Variants in RAI1 observed in about 807,000 individuals in gnomAD.
The protein encoded by RAI1 is retinoic acid-induced protein 1.
Under a neutral mutation model 123.8 loss-of-function variants are expected in RAI1, and 9 were observed. That is an observed-to-expected ratio of 0.07 (90% CI 0.04 to 0.13). The LOEUF (loss-of-function observed/expected upper bound fraction) is 0.13. RAI1 is among the 10% of genes least tolerant of loss of function. The pLI, the probability that RAI1 is intolerant of heterozygous loss-of-function variation, is 1.00. For synonymous variants in RAI1, 1,231 were observed against 1,127.3 expected (o/e 1.09, Z -1.84); for missense variants, 2,256 against 2,545.8 (o/e 0.89, Z 2.45).
At position 17,796,394 on chromosome 17, in the gene RAI1, G is replaced by C; in HGVS notation, c.3446G>C (p.Arg1149Pro). 2 of 1,613,656 alleles carry C rather than the reference G, an allele frequency of 1.2e-6. No individual in the cohort carries two copies. Among genetic ancestry groups the C allele is most frequent in the Non-Finnish European group, 1.7e-6 (2 of 1,180,010 alleles). ...CAGCGCTCCATGATCCTTCGGTCAC[G>C]CACCAAAACCCAGGAGATCTTCCAC... ...KDQRSMILRS[R>P]TKTQEIFHSK... Residue 1149 changes from arginine to proline, a missense_variant, in exon 3 of 6, where the codon CGC becomes CCC. Physicochemically the swap from Arg to Pro is moderately radical, Grantham distance 103. Coordinates refer to ENST00000353383, the MANE Select transcript of RAI1 (RefSeq NM_030665.4). This position sits in a 1 kb window ranked among gnomAD's most constrained non-coding sequence, Gnocchi z 5.8.
At chr17:17,775,597 A>G (rs1265819592) in intron 2 of RAI1, among the ~76,000 whole-genome samples, 1 of 152,188 alleles carries the variant, frequency 6.6e-6, no homozygotes, top group Non-Finnish European at 1.5e-5. Context: ...TAAACTAAAG[A>G]AAAGAAAATG....
At chr17:17,740,293 T>G (rs1170043560) in intron 2 of RAI1, among the ~76,000 whole-genome samples, 1 of 152,162 alleles carries the variant, frequency 6.6e-6, no homozygotes, top group Admixed American at 6.5e-5. Flanking sequence ...CAGGGGTCCC[T>G]AGCTCCTCCT....
rs146400378 is a variant in RAI1 at position 17,751,736 on chromosome 17, TAG to T, written c.-17+27580_-17+27581del. Among the ~76,000 whole-genome samples the T allele has an allele frequency of 5.1e-3, 781 of 152,280 alleles. 2 individuals are homozygous for T. The highest frequency in any genetic ancestry group is 0.017 in the Middle Eastern group (5 of 294). On this transcript the variant is annotated intron_variant, in intron 2 of 5. Transcript: ENST00000353383. Reference sequence around the variant, plus strand: ...CACAGGGCCGATTCCTCCTTCTCCTTAGAGTCTTCTCTCAAATTACCTCTCTT... The same window carrying T: ...CACAGGGCCGATTCCTCCTTCTCCTTAGTCTTCTCTCAAATTACCTCTCTT...
chr17:17,754,864 C>CT (rs759869652), intron 2 of RAI1, among the ~76,000 whole-genome samples: 65 of 152,210 alleles, frequency 4.3e-4, no homozygotes, highest in Non-Finnish European at 8.5e-4. Context: ...TTGGTAAGCA[C>CT]TTTCCCAGTC....
At chr17:17,803,221 C>T (rs2143005062) in intron 3 of RAI1, among the ~76,000 whole-genome samples, 1 of 152,180 alleles carries the variant, frequency 6.6e-6, no homozygotes, top group East Asian at 1.9e-4. Context: ...CCAAGGGGGT[C>T]TCCCTACCCA....
intron 1 of RAI1, among the ~76,000 whole-genome samples, chr17:17,702,742 G>C (rs1915266470): frequency 6.6e-6 from 1 of 152,120 alleles, no homozygotes; most frequent in African/African-American, 2.4e-5. Flanking sequence ...TGAAACTCTT[G>C]GTATCCAGTA....
chr17:17,723,302 CTG>C (rs781159876), intron 1 of RAI1, among the ~76,000 whole-genome samples: 2 of 150,976 alleles, frequency 1.3e-5, no homozygotes, highest in Non-Finnish European at 2.9e-5. Context: ...TTCAGTCAAA[CTG>C]AGACCCAGAA....
intron 1 of RAI1, among the ~76,000 whole-genome samples, chr17:17,703,779 T>A (rs577523888): frequency 6.6e-6 from 1 of 152,314 alleles, no homozygotes; most frequent in East Asian, 1.9e-4. Context: ...GTGCTAAGAT[T>A]ACAGGCATGA....
intron 4 of RAI1, among the ~76,000 whole-genome samples, chr17:17,804,694 C>T (rs1238500505): frequency 6.6e-6 from 1 of 152,136 alleles, no homozygotes; most frequent in African/African-American, 2.4e-5. Flanking sequence ...GAGTTTTGCT[C>T]TGTCACCCAA....
chr17:17,797,897 C>G lies in RAI1; in HGVS notation c.4949C>G (p.Ala1650Gly). 1 of 1,614,000 alleles carries G rather than the reference C, an allele frequency of 6.2e-7. No homozygotes were observed. ...FSLDAAGASL[A>G]TLPGGSILQP... ...TTGGATGCAGCCGGGGCCTCCCTGGCCACACTCCCTGGAGGCTCCATCCTG... is the reference window on the plus strand; with the variant it reads ...TTGGATGCAGCCGGGGCCTCCCTGGGCACACTCCCTGGAGGCTCCATCCTG... Residue 1650 changes from alanine (A) to glycine (G), a missense_variant, in exon 3 of 6, where the codon GCC becomes GGC. Around this residue, in one of 7 missense-constraint regions of RAI1, gnomAD observed 410 missense variants for 374.6 expected, o/e 1.09. Transcript: ENST00000353383.
chr17:17,683,060 A>G (rs1914498251), intron 1 of RAI1, among the ~76,000 whole-genome samples: 1 of 151,730 alleles, frequency 6.6e-6, no homozygotes, highest in Non-Finnish European at 1.5e-5. Flanking sequence ...TCCTCCCACC[A>G]ATACTGTCCC....
In RAI1 at chr17:17,795,101, C is replaced by T. The variant is rs2032181326; in HGVS notation, c.2153C>T (p.Ala718Val). Residue 718 changes from alanine (A) to valine (V), a missense_variant, in exon 3 of 6, where the codon GCT becomes GTT. This residue lies in a region of RAI1 where 566 missense variants were observed against 616.0 expected (regional missense o/e 0.92). Coordinates refer to ENST00000353383, the MANE Select transcript of RAI1 (RefSeq NM_030665.4). The surrounding 1 kb of genome is among the most constrained non-coding windows in gnomAD (Gnocchi z 5.9). ...ACCAAGCCCACCCTTGGGGTTCCTG[C>T]TCCAGACCCCACTACAGCAGCTTTT... Reference protein sequence around the residue: ...FGTKPTLGVPAPDPTTAAFDC... With the variant: ...FGTKPTLGVPVPDPTTAAFDC... 1 of 1,614,108 alleles carries T rather than the reference C, an allele frequency of 6.2e-7. No homozygotes were observed.
intron 1 of RAI1, among the ~76,000 whole-genome samples, chr17:17,711,558 G>A (rs1915567916): frequency 6.6e-6 from 1 of 152,172 alleles, no homozygotes; most frequent in Non-Finnish European, 1.5e-5. Context: ...TACACGGGAT[G>A]GACACCTCCT....
chr17:17,702,963 C>T (rs1227950231), intron 1 of RAI1, among the ~76,000 whole-genome samples: 1 of 152,228 alleles, frequency 6.6e-6, no homozygotes, highest in South Asian at 2.1e-4. Context: ...TGCTGCCAGA[C>T]GTGAGGAGGT....
intron 4 of RAI1, among the ~76,000 whole-genome samples, chr17:17,806,584 G>A (rs1367186306): frequency 3.9e-5 from 6 of 152,238 alleles, no homozygotes; most frequent in African/African-American, 1.4e-4. Context: ...CATGTCTCCA[G>A]CACCAGCCCT....
rs1471481046 is a variant in RAI1, at chr17:17,809,213, C to T, written c.5660-177C>T. 10 of 719,622 alleles carry T rather than the reference C, an allele frequency of 1.4e-5. No homozygotes were observed. Among genetic ancestry groups the T allele is most frequent in the Admixed American group, 1.9e-5 (1 of 52,890 alleles). 44.6% of individuals were successfully genotyped at this position (719,622 alleles called of 1,614,324 possible). On this transcript the variant is annotated intron_variant, in intron 4 of 5. Coordinates refer to ENST00000353383, the MANE Select transcript of RAI1 (RefSeq NM_030665.4). This position sits in a 1 kb window ranked among gnomAD's most constrained non-coding sequence, Gnocchi z 4.9. ...GCCAGGCCAGGGGCCGCACCCGCGC[C>T]GTGGAGTGGAGTGGAGTGTGGAGGG...
At chr17:17,754,412 T>G (rs1354059042) in intron 2 of RAI1, among the ~76,000 whole-genome samples, 1 of 152,054 alleles carries the variant, frequency 6.6e-6, no homozygotes, top group East Asian at 1.9e-4. Context: ...AATTTTGTAT[T>G]TTTAGTAGAG....
intron 2 of RAI1, among the ~76,000 whole-genome samples, chr17:17,760,385 C>T (rs572764071): frequency 3.7e-4 from 56 of 152,100 alleles, no homozygotes; most frequent in African/African-American, 7.5e-4. Flanking sequence ...CCTGCATACT[C>T]GGGATGGGCT....
chr17:17,684,704 A>ATATATATATG lies in RAI1; in HGVS notation c.-149+2914_-149+2915insATATATGTAT, dbSNP rs1258508625. 2.4e-3 allele frequency: 291 copies of ATATATATATG among 119,314 alleles called. 1 individual carries two copies. Among genetic ancestry groups the ATATATATATG allele is most frequent in the East Asian group, 0.013 (45 of 3,550 alleles). The allele number at this position is 119,314 out of a possible 1,614,324, so 7.4% of individuals were successfully genotyped here. A position where few individuals can be genotyped will look rare whatever the true frequency, so the allele number is the denominator to read the frequency against. On this transcript the variant is annotated intron_variant, in intron 1 of 5. Transcript: ENST00000353383. ...TATATATATATATATATATATATAT[A>ATATATATATG]TATGTATGTATGTATGTATATTACA...
Sources: gnomAD v4.1 joint callset for allele counts (sites outside exome capture counted in the v4.1 genomes callset) on GRCh38, gnomAD v4.1.1 for gene constraint, gnomAD v4.1.1 regional missense constraint, Gnocchi (gnomAD v3.1) non-coding constraint, MANE v1.5 for transcripts, NCBI Gene and HGNC (gene_info 2026-07-23, HGNC 2026-07-21) for gene names.